DOCK5: variants seen among roughly 807,000 people sequenced by gnomAD.
DOCK5 encodes the protein dedicator of cytokinesis 5.
A neutral mutation model predicts 251.8 loss-of-function variants in DOCK5; 142 were observed. That is an observed-to-expected ratio of 0.56 (90% confidence interval 0.49 to 0.65). The LOEUF is 0.65. Among genes scored for constraint, DOCK5 ranks in the 30% least tolerant of loss-of-function variants. The pLI is 0.00. For synonymous variants in DOCK5, 842 were observed against 835.5 expected, an observed-to-expected ratio of 1.01 and a Z score of -0.13; for missense variants, 2,111 against 2,312.3, an observed-to-expected ratio of 0.91 and a Z score of 1.79.
At chr8:25,372,167 G>A (rs1446627628) in intron 34 of DOCK5, among the ~76,000 whole-genome samples, 1 of 152,200 alleles carries the variant, frequency 6.6e-6, no homozygotes, top group East Asian at 1.9e-4. Flanking sequence ...AGGAAAAATG[G>A]TCTCATACAA....
At chr8:25,388,929 T>C (rs1313887769) in intron 40 of DOCK5, 162 bp from the exon 41 acceptor site, 3 of 634,910 alleles carry the variant, frequency 4.7e-6, no homozygotes, top group Admixed American at 2.9e-5. Flanking sequence ...TCTTGTAGGA[T>C]ATGATGGTCG....
At chr8:25,370,412 A>G (rs1228636330) in intron 34 of DOCK5, among the ~76,000 whole-genome samples, 1 of 152,218 alleles carries the variant, frequency 6.6e-6, no homozygotes. Context: ...GAATTACAGG[A>G]GATGATGTGC....
intron 27 of DOCK5, among the ~76,000 whole-genome samples, chr8:25,358,630 T>G (rs1177495063): frequency 6.6e-6 from 1 of 152,204 alleles, no homozygotes; most frequent in Non-Finnish European, 1.5e-5. Context: ...CTCCATGGAA[T>G]TCTATACTAC....
intron 1 of DOCK5, among the ~76,000 whole-genome samples, chr8:25,224,357 G>A (rs1356843198): frequency 1.3e-5 from 2 of 152,154 alleles, no homozygotes; most frequent in Non-Finnish European, 2.9e-5. Flanking sequence ...GGCCTCAAGT[G>A]ATCTGCCCAC....
chr8:25,319,522 C>G, intron 14 of DOCK5, 56 bp from the exon 15 acceptor site: 1 of 1,258,568 alleles, frequency 7.9e-7, no homozygotes, highest in Non-Finnish European at 1.1e-6. Context: ...TATATGGGGT[C>G]CTCTTACTTT....
rs2117358414 is a variant in DOCK5 at position 25,414,189 on chromosome 8, A to G, written c.*2891A>G. Reference sequence around the variant, plus strand: ...TTTTTAAAGGATTGTTTTATTCAACATATATCAAGTTCTTATGGAATGCCA... The same window carrying G: ...TTTTTAAAGGATTGTTTTATTCAACGTATATCAAGTTCTTATGGAATGCCA... On this transcript the variant is annotated 3_prime_UTR_variant, in exon 52 of 52. Coordinates refer to ENST00000276440, the MANE Select transcript of DOCK5 (RefSeq NM_024940.8). 6.6e-6 allele frequency: 1 copy of G among 152,262 alleles called. No homozygotes were observed. Among genetic ancestry groups the G allele is most frequent in the South Asian group, 2.1e-4 (1 of 4,828 alleles). 9.4% of individuals were successfully genotyped at this position (152,262 alleles called of 1,614,324 possible). A position where few individuals can be genotyped will look rare whatever the true frequency, so the allele number is the denominator to read the frequency against.
intron 1 of DOCK5, among the ~76,000 whole-genome samples, chr8:25,187,309 A>ACATATATACATATATGTG (rs1801459077): frequency 6.7e-6 from 1 of 149,254 alleles, no homozygotes. Flanking sequence ...ATATGTATAT[A>ACATATATACATATATGTG]TGCGTATATG....
chr8:25,265,975 C>T (rs1346676997), intron 2 of DOCK5, among the ~76,000 whole-genome samples: 1 of 151,858 alleles, frequency 6.6e-6, no homozygotes, highest in Non-Finnish European at 1.5e-5. Context: ...GTGAGCCTAG[C>T]GAAAGAGCAA....
At position 25,349,274 on chromosome 8, in the gene DOCK5, C is replaced by T. The variant is rs535407441; in HGVS notation, c.2755-2457C>T. Among the ~76,000 whole-genome samples the T allele has an allele frequency of 7.9e-5, 12 of 152,096 alleles. No homozygotes were observed. In the South Asian group the frequency reaches 1.7e-3, roughly 21 times the overall value. ...GCTGGGGGAATGCAAATTATTAGTA[C>T]GACGACTATGAAAAACAGTATGAAA... On this transcript the variant is annotated intron_variant, in intron 26 of 51. Coordinates refer to ENST00000276440, the MANE Select transcript of DOCK5 (RefSeq NM_024940.8).
intron 13 of DOCK5, among the ~76,000 whole-genome samples, chr8:25,311,226 A>G (rs1805084991): frequency 6.6e-6 from 1 of 152,172 alleles, no homozygotes; most frequent in Non-Finnish European, 1.5e-5. Flanking sequence ...AAACTAATTG[A>G]TATTAATAGA....
chr8:25,267,422 C>A (rs1424744968), intron 2 of DOCK5, among the ~76,000 whole-genome samples: 1 of 152,032 alleles, frequency 6.6e-6, no homozygotes, highest in East Asian at 1.9e-4. Context: ...TGAATATATG[C>A]CCAAAGAAGA....
Position 25,340,730 on chromosome 8 carries a change from T to G in DOCK5, c.2328-147T>G, listed in dbSNP as rs1805932606. The G allele has an allele frequency of 1.2e-5, 8 of 675,216 alleles. No individual in the cohort carries two copies. The Admixed American group carries it at 2.2e-4, about 19-fold the overall frequency. The allele number at this position is 675,216 out of a possible 1,614,324, so 41.8% of individuals were successfully genotyped here. ...TGAGCGGCTTCTCTAACCCATTGCC[T>G]GAAACTTCAGATGACTGGGGCTTAA... On this transcript the variant is annotated intron_variant, in intron 22 of 51. Transcript: ENST00000276440.
In DOCK5 at chr8:25,368,697, A is replaced by G. The variant is rs757974412; in HGVS notation, c.3410A>G (p.Asn1137Ser). The change falls in exon 33 of 52, where the codon AAT (asparagine) becomes AGT (serine). Residue 1137 changes from asparagine to serine, a missense_variant. By Grantham distance (46) the Asn-to-Ser change is conservative (BLOSUM62 1). Coordinates refer to ENST00000276440, the MANE Select transcript of DOCK5 (RefSeq NM_024940.8). ...TTTGATATGATGCAGTGTGAGTTCA[A>G]TTTCAGTGGAAATGGCAATTTCCAT... is the stretch of plus-strand genomic sequence containing the variant. ...IFFDMMQCEF[N>S]FSGNGNFHMF... 2.5e-6 allele frequency: 4 copies of G among 1,613,396 alleles called. No individual in the cohort carries two copies. The highest frequency in any genetic ancestry group is 2.2e-5 in the South Asian group (2 of 90,866).
chr8:25,191,666 G>C (rs1028640464), intron 1 of DOCK5, among the ~76,000 whole-genome samples: 3 of 151,998 alleles, frequency 2.0e-5, no homozygotes, highest in African/African-American at 7.2e-5. Flanking sequence ...ATGAAATGCT[G>C]TTGTCCCCTG....
chr8:25,278,130 C>T (rs1804095470), intron 4 of DOCK5, among the ~76,000 whole-genome samples: 1 of 152,170 alleles, frequency 6.6e-6, no homozygotes, highest in South Asian at 2.1e-4. Flanking sequence ...ACCCTGGCCT[C>T]TGCCCCAACC....
chr8:25,413,720 T>C lies in DOCK5; in HGVS notation c.*2422T>C, dbSNP rs994944578. 4.6e-5 allele frequency: 7 copies of C among 152,218 alleles called. No homozygotes were observed. The highest frequency in any genetic ancestry group is 8.8e-5 in the Non-Finnish European group (6 of 68,042). 9.4% of individuals were successfully genotyped at this position (152,218 alleles called of 1,614,324 possible). On this transcript the variant is annotated 3_prime_UTR_variant, in exon 52 of 52. Coordinates refer to ENST00000276440, the MANE Select transcript of DOCK5 (RefSeq NM_024940.8). The stretch of plus-strand genomic sequence containing the variant: ...ATCACTGTCTGGATACCTTCTCTTT[T>C]TAATAGAATATATTCCGTATGATTC...
intron 1 of DOCK5, among the ~76,000 whole-genome samples, chr8:25,216,043 A>G (rs889503313): frequency 6.6e-6 from 1 of 151,772 alleles, no homozygotes; most frequent in African/African-American, 2.4e-5. Flanking sequence ...CGTGTATACA[A>G]TATGTATATA....
chr8:25,240,737 A>G (rs1039578948), intron 1 of DOCK5, among the ~76,000 whole-genome samples: 4 of 152,132 alleles, frequency 2.6e-5, no homozygotes, highest in African/African-American at 4.8e-5. Flanking sequence ...TTTGGGGGCT[A>G]TTGTGAATAA....
At chr8:25,368,962 A>G (rs1234113039) in intron 33 of DOCK5, among the ~76,000 whole-genome samples, 1 of 152,254 alleles carries the variant, frequency 6.6e-6, no homozygotes, top group African/African-American at 2.4e-5. Flanking sequence ...TCTGTAGAAA[A>G]TTAAAGGAAG....
Sources: allele counts gnomAD v4.1 joint callset (sites outside exome capture counted in the v4.1 genomes callset), GRCh38; gene constraint gnomAD v4.1.1; transcripts MANE v1.5; gene names NCBI Gene and HGNC (gene_info 2026-07-23, HGNC 2026-07-21).